The following HBEGF variants were observed in gnomAD, a reference collection of about 807,000 sequenced individuals.
HBEGF encodes heparin binding EGF like growth factor.
In HBEGF, 8 loss-of-function variants were observed where a neutral mutation model predicts 19.5. That is an observed-to-expected ratio of 0.41 (90% confidence interval 0.24 to 0.74). HBEGF has a LOEUF of 0.74. HBEGF is among the 30% of genes least tolerant of loss of function. The pLI is 0.32. For missense variants in HBEGF, 207 were observed against 256.9 expected, an observed-to-expected ratio of 0.81 and a Z score of 1.33; for synonymous variants, 97 against 108.9, an observed-to-expected ratio of 0.89 and a Z score of 0.68.
At chr5:140,334,927 A>G in intron 4 of HBEGF, 179 bp from the exon 5 acceptor site, 1 of 622,462 alleles carries the variant, frequency 1.6e-6, no homozygotes, top group Non-Finnish European at 2.9e-6. Context: ...TCCTGTCTCT[A>G]ATAGCAGGAT....
chr5:140,343,066 A>G (rs1766340402), intron 2 of HBEGF: 1 of 467,898 alleles, frequency 2.1e-6, no homozygotes, highest in Non-Finnish European at 3.8e-6. Flanking sequence ...TCTCTGTGTA[A>G]GAGCCTCATT....
rs1339583077 is a variant in HBEGF at position 140,334,731 on chromosome 5, C to A, written c.572G>T (p.Gly191Val). ...LLMFRYHRRGGYDVENEEKVK... is the reference protein window; with the variant it reads ...LLMFRYHRRGVYDVENEEKVK... ...TTTCTCTTCATTTTCCACATCATAA[C>A]CTCCTCTCCTATGGTACCTGAGGAA... Residue 191 changes from glycine to valine, a missense_variant, in exon 5 of 6, where the codon GGT becomes GTT. Transcript: ENST00000230990. 3 of 1,613,730 alleles carry A rather than the reference C, an allele frequency of 1.9e-6. No individual in the cohort carries two copies. In the South Asian group the frequency reaches 3.3e-5, roughly 18 times the overall value.
intron 4 of HBEGF, among the ~76,000 whole-genome samples, chr5:140,335,383 C>CAAAAAAAA (rs752308223): frequency 1.1e-5 from 1 of 91,106 alleles, no homozygotes; most frequent in African/African-American, 3.9e-5. Context: ...GACTCTGTCT[C>CAAAAAAAA]AAAAAAAAAA....
At chr5:140,343,159 A>C (rs1766341627) in intron 2 of HBEGF, 4 of 222,094 alleles carry the variant, frequency 1.8e-5, no homozygotes, top group South Asian at 2.0e-4. Flanking sequence ...CCCATCTCCT[A>C]CTCCCCCACA....
chr5:140,334,797 G>A (rs1360177087), intron 4 of HBEGF, 49 bp from the exon 5 acceptor site: 2 of 1,416,550 alleles, frequency 1.4e-6, no homozygotes, highest in African/African-American at 1.4e-5. Flanking sequence ...ATGACAAAGT[G>A]CAGGTCCAGA....
Position 140,346,293 on chromosome 5 carries a change from A to G in HBEGF, c.36T>C (p.Phe12=), listed in dbSNP as rs555660313. The G allele has an allele frequency of 5.2e-5, 84 of 1,608,056 alleles. No homozygotes were observed. Among genetic ancestry groups the G allele is most frequent in the Admixed American group, 2.7e-4 (16 of 59,614 alleles). ...KLLPSVVLKL[F]LAAVLSALVT... ...CGGCAGCCCTCTTACCTGCAGCCAG[A>G]AAGAGCTTCAGCACCACCGACGGCA... is the stretch of plus-strand genomic sequence containing the variant. The change falls in exon 1 of 6, where the codon TTT becomes TTC. Residue 12 remains phenylalanine (F), a synonymous_variant. Coordinates refer to ENST00000230990, the MANE Select transcript of HBEGF (RefSeq NM_001945.3). The surrounding 1 kb of genome is among the most constrained non-coding windows in gnomAD (Gnocchi z 6.1).
chr5:140,340,093 C>A (rs1766285529), intron 3 of HBEGF, among the ~76,000 whole-genome samples: 1 of 152,114 alleles, frequency 6.6e-6, no homozygotes, highest in East Asian at 1.9e-4. Flanking sequence ...TCAAGACCAG[C>A]CTGGCCAACA....
intron 3 of HBEGF, among the ~76,000 whole-genome samples, chr5:140,338,982 C>T (rs190083105): frequency 4.0e-4 from 61 of 152,276 alleles, no homozygotes; most frequent in Middle Eastern, 3.4e-3. Context: ...GGGCAAGTCA[C>T]GTTACCTTTC....
At chr5:140,336,150 C>T in intron 3 of HBEGF, 123 bp from the exon 4 acceptor site, 1 of 899,920 alleles carries the variant, frequency 1.1e-6, no homozygotes, top group Non-Finnish European at 1.7e-6. Context: ...TGACCACGAT[C>T]CCTGCCCATC....
chr5:140,341,964 C>T (rs1341189446), intron 3 of HBEGF, among the ~76,000 whole-genome samples: 1 of 152,176 alleles, frequency 6.6e-6, no homozygotes, highest in Non-Finnish European at 1.5e-5. Flanking sequence ...TGTTGCCTGA[C>T]CGGGGGCTGA....
At position 140,342,712 on chromosome 5, in the gene HBEGF, T is replaced by C. The variant is rs1766332629; in HGVS notation, c.321A>G (p.Pro107=). 1.2e-6 allele frequency: 2 copies of C among 1,614,190 alleles called. No individual in the cohort carries two copies. Among genetic ancestry groups the C allele is most frequent in the Non-Finnish European group, 1.7e-6 (2 of 1,180,028 alleles). The change falls in exon 3 of 6, where the codon CCA becomes CCG. Residue 107 remains proline (P), a synonymous_variant. Coordinates refer to ENST00000230990, the MANE Select transcript of HBEGF (RefSeq NM_001945.3). ...AGAAGTCCTTGTATTTCCGAAGACA[T>C]GGGTCCCTCTTCTTCCCTAGCCCCT... ...KGKGLGKKRD[P]CLRKYKDFCI...
intron 3 of HBEGF, among the ~76,000 whole-genome samples, chr5:140,342,270 G>A (rs1273860135): frequency 6.6e-6 from 1 of 152,028 alleles, no homozygotes; most frequent in Admixed American, 6.5e-5. Flanking sequence ...GCTCTACTCT[G>A]CCCTGGAAGC....
rs371384910 is a variant in HBEGF at position 140,342,704 on chromosome 5, C to T, written c.329G>A (p.Arg110Gln). Residue 110 changes from arginine to glutamine, a missense_variant, in exon 3 of 6, where the codon CGG becomes CAG. By Grantham distance (43) the Arg-to-Gln change is conservative. Transcript: ENST00000230990. ...ATGGATGCAGAAGTCCTTGTATTTC[C>T]GAAGACATGGGTCCCTCTTCTTCCC... is the stretch of plus-strand genomic sequence containing the variant. Reference protein sequence around the residue: ...GLGKKRDPCLRKYKDFCIHGE... With the variant: ...GLGKKRDPCLQKYKDFCIHGE... 27 of 1,614,054 alleles carry T rather than the reference C, an allele frequency of 1.7e-5. No homozygotes were observed. In the African/African-American group the frequency reaches 2.0e-4, roughly 12 times the overall value.
rs1766402097 is a variant in HBEGF, at chr5:140,346,415, GCT to G, written c.-89_-88del. 6.9e-7 allele frequency: 1 copy of G among 1,448,240 alleles called. No individual in the cohort carries two copies. The highest frequency in any genetic ancestry group is 1.2e-5 in the South Asian group (1 of 82,576). 89.7% of individuals were successfully genotyped at this position (1,448,240 alleles called of 1,614,324 possible). On this transcript the variant is annotated 5_prime_UTR_variant, in exon 1 of 6. Coordinates refer to ENST00000230990, the MANE Select transcript of HBEGF (RefSeq NM_001945.3). This position sits in a 1 kb window ranked among gnomAD's most constrained non-coding sequence, Gnocchi z 6.1. ...GCTGGCACCAGAGCTGGGCGGCGGAGCTCAGGAGATTCCGCCGGGCACCGTCT... is the reference window on the plus strand; with the variant it reads ...GCTGGCACCAGAGCTGGGCGGCGGAGCAGGAGATTCCGCCGGGCACCGTCT...
rs757963083 is a variant in HBEGF, at chr5:140,346,268, C to A, written c.46+15G>T. ...CCATCCCCCCGATCTCCGGGGGCGT[C>A]GGCAGCCCTCTTACCTGCAGCCAGA... On this transcript the variant is annotated intron_variant, in intron 1 of 5. Coordinates refer to ENST00000230990, the MANE Select transcript of HBEGF (RefSeq NM_001945.3). The surrounding 1 kb of genome is among the most constrained non-coding windows in gnomAD (Gnocchi z 6.1). The A allele has an allele frequency of 1.9e-6, 3 of 1,600,648 alleles. No homozygotes were observed. The highest frequency in any genetic ancestry group is 2.6e-6 in the Non-Finnish European group (3 of 1,174,492).
intron 3 of HBEGF, among the ~76,000 whole-genome samples, chr5:140,339,195 A>G (rs974094692): frequency 6.6e-6 from 1 of 152,150 alleles, no homozygotes; most frequent in Non-Finnish European, 1.5e-5. Flanking sequence ...GATGGAGACA[A>G]GAGAAGCGGG....
intron 2 of HBEGF, among the ~76,000 whole-genome samples, chr5:140,345,612 C>T (rs1402629674): frequency 1.3e-5 from 2 of 152,168 alleles, no homozygotes; most frequent in Non-Finnish European, 2.9e-5. Context: ...TCAACCATTC[C>T]TTGTTCCTAT....
chr5:140,346,225 G>GC lies in HBEGF; in HGVS notation c.46+57dup. On this transcript the variant is annotated intron_variant, in intron 1 of 5. Transcript: ENST00000230990. This position sits in a 1 kb window ranked among gnomAD's most constrained non-coding sequence, Gnocchi z 6.1. ...GTGCGCTGCGGCGACCTTCCCCCAT[G>GC]CCCCCAGCACAACGCCCCCATCCCC... is the stretch of plus-strand genomic sequence containing the variant. The GC allele has an allele frequency of 6.4e-7, 1 of 1,565,804 alleles. No individual in the cohort carries two copies.
intron 4 of HBEGF, chr5:140,335,062 C>A: frequency 2.6e-6 from 1 of 389,068 alleles, no homozygotes; most frequent in Non-Finnish European, 4.8e-6. Context: ...TGTTCCAGGT[C>A]TCATGACAGA....
Sources: allele counts gnomAD v4.1 joint callset (sites outside exome capture counted in the v4.1 genomes callset), GRCh38; gene constraint gnomAD v4.1.1; non-coding constraint Gnocchi (gnomAD v3.1); transcripts MANE v1.5; gene names NCBI Gene and HGNC (gene_info 2026-07-23, HGNC 2026-07-21).